Variants in PDXDC1 observed in about 807,000 individuals in gnomAD.
The protein encoded by PDXDC1 is pyridoxal dependent decarboxylase domain containing 1, also known as pyridoxal-dependent decarboxylase domain-containing protein 1.
PDXDC1 carries 42 observed loss-of-function variants against 100.1 expected under a neutral mutation model. The observed-to-expected ratio is 0.42, with a 90% CI of 0.33 to 0.54. PDXDC1 has a LOEUF of 0.54. Ranked by LOEUF, PDXDC1 falls within the 20% of genes least tolerant of loss-of-function variation. The probability of loss-of-function intolerance (pLI) is 0.10; values close to 1 mark genes in which losing one functional copy is unlikely to be tolerated. For missense variants in PDXDC1, 636 were observed against 979.2 expected, an observed-to-expected ratio of 0.65 and a Z score of 4.68; for synonymous variants, 260 against 371.7, an observed-to-expected ratio of 0.70 and a Z score of 3.46.
chr16:15,048,453 C>T (rs969309432), intron 16 of PDXDC1, among the ~76,000 whole-genome samples: 2 of 152,096 alleles, frequency 1.3e-5, no homozygotes, highest in Admixed American at 1.3e-4. Flanking sequence ...CTCCTGGGCT[C>T]AAGCAATCTT....
intron 16 of PDXDC1, among the ~76,000 whole-genome samples, chr16:15,088,114 C>T (rs571076483): frequency 2.0e-5 from 3 of 150,976 alleles, no homozygotes; most frequent in South Asian, 2.1e-4. Context: ...AAAACTCCGT[C>T]TCAAAAAGAA....
intron 16 of PDXDC1, chr16:15,125,968 C>A (rs1435517374): frequency 8.3e-6 from 5 of 602,732 alleles, no homozygotes; most frequent in African/African-American, 1.8e-5. Flanking sequence ...GTGATGGCAG[C>A]CCCTCGCGAC....
At chr16:15,139,609 C>T (rs2048431391), downstream of PDXDC1, among the ~76,000 whole-genome samples, 1 of 149,606 alleles carries the variant, frequency 6.7e-6, no homozygotes, top group African/African-American at 2.5e-5. Flanking sequence ...AGCAAGACCC[C>T]ATCTCTACAA....
chr16:15,047,033 C>T (rs1033502607), intron 16 of PDXDC1, among the ~76,000 whole-genome samples: 2 of 152,172 alleles, frequency 1.3e-5, no homozygotes, highest in African/African-American at 2.4e-5. Flanking sequence ...TTGGGCCGGG[C>T]TTTCTGTCTA....
intron 16 of PDXDC1, among the ~76,000 whole-genome samples, chr16:15,102,041 T>A (rs928146504): frequency 3.9e-5 from 6 of 152,016 alleles, no homozygotes; most frequent in Non-Finnish European, 8.8e-5. Context: ...AGAGACAGGG[T>A]TTCGCCATGT....
At chr16:14,996,879 G>C (rs1256517501) in intron 1 of PDXDC1, among the ~76,000 whole-genome samples, 1 of 152,296 alleles carries the variant, frequency 6.6e-6, no homozygotes, top group African/African-American at 2.4e-5. Flanking sequence ...AAAATAGCTT[G>C]TCTTTGTATC....
intron 16 of PDXDC1, chr16:15,127,187 C>T (rs950832873): frequency 2.5e-5 from 10 of 398,848 alleles, no homozygotes; most frequent in Non-Finnish European, 3.9e-5. Flanking sequence ...CGTGCACAGC[C>T]GCGTGCTTGC....
chr16:15,131,786 G>A (rs2048075803), intron 16 of PDXDC1: 1 of 532,720 alleles, frequency 1.9e-6, no homozygotes, highest in African/African-American at 4.8e-5. Context: ...GGAGCCGGAG[G>A]GTGGGGGCTG....
chr16:15,079,118 A>G (rs2045589809), intron 16 of PDXDC1, among the ~76,000 whole-genome samples: 1 of 151,874 alleles, frequency 6.6e-6, no homozygotes, highest in African/African-American at 2.4e-5. Flanking sequence ...CCTCCTCTTC[A>G]TATTTCTAAC....
At chr16:14,988,131 G>C (rs1450102237) in intron 1 of PDXDC1, 4 of 1,357,784 alleles carry the variant, frequency 2.9e-6, no homozygotes, top group Middle Eastern at 3.9e-4. Context: ...TCGCTTCTGC[G>C]TCACTGGTTT....
At chr16:15,130,421 G>A (rs1598234673) in intron 16 of PDXDC1, 2 of 1,526,766 alleles carry the variant, frequency 1.3e-6, no homozygotes, top group African/African-American at 1.4e-5. Flanking sequence ...GGCTGGAGAG[G>A]TTCAGACGGT....
chr16:15,033,765 G>C (rs922347289), intron 19 of PDXDC1, among the ~76,000 whole-genome samples: 3 of 152,190 alleles, frequency 2.0e-5, no homozygotes, highest in African/African-American at 7.2e-5. Flanking sequence ...ATGGGCTGTT[G>C]TATGTGTGGT....
chr16:15,125,395 C>T (rs1166564711), intron 16 of PDXDC1: 74 of 757,502 alleles, frequency 9.8e-5, no homozygotes, highest in Non-Finnish European at 1.5e-4. Flanking sequence ...CGTCCAGTCA[C>T]GCACGGACAC....
chr16:15,074,840 G>C lies in PDXDC1; in HGVS notation c.1399+44784G>C, dbSNP rs766192896. ...CGTTCAGGACCAGCCTTTGTTTCATGTTCAGTTTCTTCATCTTCATCCTTT... is the reference window on the plus strand; with the variant it reads ...CGTTCAGGACCAGCCTTTGTTTCATCTTCAGTTTCTTCATCTTCATCCTTT... On this transcript the variant is annotated intron_variant, in intron 16 of 16. Coordinates refer to the PDXDC1 transcript ENST00000535621. 5 of 1,611,238 alleles carry C rather than the reference G, an allele frequency of 3.1e-6. No individual in the cohort carries two copies. Among genetic ancestry groups the C allele is most frequent in the Admixed American group, 3.4e-5 (2 of 59,390 alleles).
At chr16:15,128,475 C>T in intron 16 of PDXDC1, 1 of 773,636 alleles carries the variant, frequency 1.3e-6, no homozygotes, top group Non-Finnish European at 2.2e-6. Context: ...GCTTTGGCCT[C>T]CGCGCACTCA....
At chr16:15,078,928 C>T (rs2045577562) in intron 16 of PDXDC1, among the ~76,000 whole-genome samples, 1 of 151,868 alleles carries the variant, frequency 6.6e-6, no homozygotes, top group African/African-American at 2.4e-5. Context: ...TCTCCTGCCT[C>T]AGCCTCCCGA....
At chr16:14,986,087 A>C (rs1969297787) in intron 1 of PDXDC1, among the ~76,000 whole-genome samples, 1 of 152,252 alleles carries the variant, frequency 6.6e-6, no homozygotes, top group Non-Finnish European at 1.5e-5. Flanking sequence ...CAATAGAGCG[A>C]GGTCATGTCT....
At chr16:15,085,134 T>C (rs2045867349) in intron 16 of PDXDC1, among the ~76,000 whole-genome samples, 1 of 152,192 alleles carries the variant, frequency 6.6e-6, no homozygotes, top group Non-Finnish European at 1.5e-5. Context: ...CGGAATAATT[T>C]ATCAGAGAAA....
chr16:15,057,628 A>G (rs1299102254), intron 16 of PDXDC1, among the ~76,000 whole-genome samples: 1 of 152,246 alleles, frequency 6.6e-6, no homozygotes, highest in African/African-American at 2.4e-5. Context: ...CAGGGTGATC[A>G]ATGACCAGCA....
Sources: allele counts gnomAD v4.1 joint callset (sites outside exome capture counted in the v4.1 genomes callset), GRCh38; gene constraint gnomAD v4.1.1; transcripts MANE v1.5; gene names NCBI Gene and HGNC (gene_info 2026-07-23, HGNC 2026-07-21).